LONRF2: variants seen among roughly 807,000 people sequenced by gnomAD.
LONRF2 encodes LON peptidase N-terminal domain and ring finger 2.
A neutral mutation model predicts 66.6 loss-of-function variants in LONRF2; 35 were observed. The observed-to-expected ratio is 0.53, with a 90% CI of 0.40 to 0.70. LONRF2 has a LOEUF of 0.70. Among genes scored for constraint, LONRF2 ranks in the 30% least tolerant of loss-of-function variants. The probability of loss-of-function intolerance (pLI) is 0.00; values close to 1 mark genes in which losing one functional copy is unlikely to be tolerated. For missense variants in LONRF2, 902 were observed against 1,002.1 expected (o/e 0.90, Z 1.35); for synonymous variants, 417 against 418.1 (o/e 1.00, Z 0.03).
chr2:100,308,364 G>C (rs1191174451), intron 2 of LONRF2, among the ~76,000 whole-genome samples: 6 of 152,236 alleles, frequency 3.9e-5, no homozygotes, highest in African/African-American at 1.4e-4. Flanking sequence ...AAAAGGGCAG[G>C]CTTCCCAGTG....
chr2:100,299,632 A>C (rs1675137663), intron 5 of LONRF2, 85 bp downstream of exon 5: 1 of 1,094,234 alleles, frequency 9.1e-7, no homozygotes, highest in African/African-American at 1.6e-5. Flanking sequence ...TAAATGTTGT[A>C]AAAATTTAAA....
chr2:100,294,091 G>T, intron 9 of LONRF2, 138 bp downstream of exon 9: 1 of 912,650 alleles, frequency 1.1e-6, no homozygotes, highest in Non-Finnish European at 1.7e-6. Flanking sequence ...TGCATTGTGG[G>T]CAGCCTTGAA....
intron 1 of LONRF2, among the ~76,000 whole-genome samples, chr2:100,310,076 T>G (rs181013591): frequency 6.6e-6 from 1 of 152,330 alleles, no homozygotes; most frequent in Non-Finnish European, 1.5e-5. Context: ...AACTCCTTTC[T>G]CTGCATTCCT....
At position 100,284,007 on chromosome 2, in the gene LONRF2, G is replaced by A. The variant is rs1292533121; in HGVS notation, c.*291C>T. On this transcript the variant is annotated 3_prime_UTR_variant, in exon 12 of 12. Coordinates refer to ENST00000393437, the MANE Select transcript of LONRF2 (RefSeq NM_198461.4). ...AAACCACATGTAAACCATCTGCAGG[G>A]TCCTGTGCTGTCAGTGAACTGCATT... 1 of 286,056 alleles carries A rather than the reference G, an allele frequency of 3.5e-6. No homozygotes were observed. The highest frequency in any genetic ancestry group is 6.6e-6 in the Non-Finnish European group (1 of 152,238). The allele number at this position is 286,056 out of a possible 1,614,324, so 17.7% of individuals were successfully genotyped here.
At chr2:100,317,959 C>T (rs1251530866) in intron 1 of LONRF2, among the ~76,000 whole-genome samples, 1 of 152,088 alleles carries the variant, frequency 6.6e-6, no homozygotes, top group African/African-American at 2.4e-5. Flanking sequence ...CACTTGTGTC[C>T]ACCCTGTTGG....
At position 100,284,412 on chromosome 2, in the gene LONRF2, G is replaced by A. The variant is rs116101039; in HGVS notation, c.2151C>T (p.Leu717=). 112 of 1,606,208 alleles carry A rather than the reference G, an allele frequency of 7.0e-5. No homozygotes were observed. The highest frequency in any genetic ancestry group is 6.1e-4 in the African/African-American group (46 of 74,944). ...PLERKAQLAI[L]GMTSLKERLL... ...GCCGCTCTTTGAGCGAGGTCATGCC[G>A]AGGATGGCCAGCTGAGCCTTGCGCT... Residue 717 remains leucine, a synonymous_variant, in exon 12 of 12, where the codon CTC becomes CTT. Coordinates refer to ENST00000393437, the MANE Select transcript of LONRF2 (RefSeq NM_198461.4).
chr2:100,276,272 G>C lies in LONRF2; in HGVS notation c.*8026C>G, dbSNP rs1157210891. 2.6e-5 allele frequency: 4 copies of C among 152,050 alleles called. No homozygotes were observed. The highest frequency in any genetic ancestry group is 7.2e-5 in the African/African-American group (3 of 41,380). The allele number at this position is 152,050 out of a possible 1,614,324, so 9.4% of individuals were successfully genotyped here. A position where few individuals can be genotyped will look rare whatever the true frequency, so the allele number is the denominator to read the frequency against. ...GGGGCTCAAATTACAGTTATACCTG[G>C]AGATCCCACTAAATCTAAACATTGT... On this transcript the variant is annotated 3_prime_UTR_variant, in exon 12 of 12. Transcript: ENST00000393437.
intron 1 of LONRF2, among the ~76,000 whole-genome samples, chr2:100,310,250 A>G (rs1172094417): frequency 6.6e-6 from 1 of 152,214 alleles, no homozygotes; most frequent in Non-Finnish European, 1.5e-5. Flanking sequence ...GAAAGGCAGA[A>G]CCATCACAGC....
chr2:100,316,573 C>T (rs111393760), intron 1 of LONRF2, among the ~76,000 whole-genome samples: 167 of 152,112 alleles, frequency 1.1e-3, no homozygotes, highest in African/African-American at 3.7e-3. Flanking sequence ...ATATTTATTA[C>T]GACTTCTTTC....
chr2:100,311,121 G>A (rs1285673603), intron 1 of LONRF2, among the ~76,000 whole-genome samples: 1 of 152,082 alleles, frequency 6.6e-6, no homozygotes, highest in African/African-American at 2.4e-5. Flanking sequence ...TTTAATTGCT[G>A]GGAAGACATT....
Position 100,299,886 on chromosome 2 carries a change from A to G in LONRF2, c.1098T>C (p.Asn366=), listed in dbSNP as rs781318312. The G allele has an allele frequency of 6.2e-6, 10 of 1,611,404 alleles. No individual in the cohort carries two copies. The South Asian group carries it at 1.1e-4, about 18-fold the overall frequency. ...NSSEKSDMLG[N]TNSSVLYFIL... is the part of the protein sequence containing the mutation. ...TAAAATACAAAACTGAAGAATTGGT[A>G]TTTCCAAGCATATCAGATTTCTCAG... The change falls in exon 5 of 12, where the codon AAT becomes AAC. Residue 366 remains asparagine, a synonymous_variant. Transcript: ENST00000393437.
intron 11 of LONRF2, 43 bp downstream of exon 11, chr2:100,286,871 A>G: frequency 4.4e-6 from 7 of 1,595,744 alleles, no homozygotes; most frequent in Non-Finnish European, 6.0e-6. Context: ...AGCACACTAC[A>G]GCAGGAAGTA....
intron 3 of LONRF2, among the ~76,000 whole-genome samples, chr2:100,302,276 T>C (rs1559179374): frequency 6.6e-6 from 1 of 152,202 alleles, no homozygotes; most frequent in South Asian, 2.1e-4. Context: ...TGGTTTGAAT[T>C]GTACAAGGAA....
intron 7 of LONRF2, among the ~76,000 whole-genome samples, chr2:100,297,223 G>T (rs1675087414): frequency 1.3e-5 from 2 of 152,078 alleles, no homozygotes; most frequent in Admixed American, 6.5e-5. Context: ...CCGCCTCCCG[G>T]GTTCACGCCA....
At chr2:100,305,599 A>G (rs755958038) in intron 2 of LONRF2, among the ~76,000 whole-genome samples, 2 of 152,114 alleles carry the variant, frequency 1.3e-5, no homozygotes, top group Admixed American at 6.5e-5. Context: ...CTAACTGTCT[A>G]TTCACACATT....
At chr2:100,316,335 A>AAAAG (rs527463789) in intron 1 of LONRF2, among the ~76,000 whole-genome samples, 2,165 of 113,022 alleles carry the variant, frequency 0.019, 119 homozygotes, top group East Asian at 0.048. Context: ...AAAAAAAAAA[A>AAAAG]AAAGAAAGAA....
At chr2:100,302,870 G>A (rs372733063) in intron 3 of LONRF2, 51 bp downstream of exon 3, 2 of 1,478,076 alleles carry the variant, frequency 1.4e-6, no homozygotes, top group African/African-American at 1.4e-5. Flanking sequence ...GCATGGACAT[G>A]AAGGCTATAA....
intron 2 of LONRF2, among the ~76,000 whole-genome samples, chr2:100,305,152 G>T (rs923565931): frequency 6.6e-6 from 1 of 152,186 alleles, no homozygotes; most frequent in African/African-American, 2.4e-5. Flanking sequence ...TTGTGCAGCT[G>T]CAGCTGTGGA....
chr2:100,289,535 A>G (rs371510387), intron 10 of LONRF2, among the ~76,000 whole-genome samples: 1 of 148,680 alleles, frequency 6.7e-6, no homozygotes, highest in African/African-American at 2.5e-5. Flanking sequence ...TCCCAGGTTC[A>G]AGCAATTCTC....
Sources: gnomAD v4.1 joint callset for allele counts (sites outside exome capture counted in the v4.1 genomes callset) on GRCh38, gnomAD v4.1.1 for gene constraint, MANE v1.5 for transcripts, NCBI Gene and HGNC (gene_info 2026-07-23, HGNC 2026-07-21) for gene names.